Variants in LTC4S observed in about 807,000 individuals in gnomAD.
LTC4S encodes LTC4 synthase.
In LTC4S, 18 loss-of-function variants were observed where a neutral mutation model predicts 19.6. That is an observed-to-expected ratio of 0.92 (90% confidence interval 0.64 to 1.36). The LOEUF is 1.36. Among genes scored for constraint, LTC4S ranks in the 40% most tolerant of loss-of-function variants. LTC4S has a pLI of 0.00. For synonymous variants in LTC4S, 126 were observed against 110.1 expected, an observed-to-expected ratio of 1.14 and a Z score of -0.91; for missense variants, 235 against 212.2, an observed-to-expected ratio of 1.11 and a Z score of -0.67.
chr5:179,795,444 CGGGCGGGGAGG>C (rs1293006134), intron 1 of LTC4S, 129 bp from the exon 2 acceptor site: 5 of 1,069,646 alleles, frequency 4.7e-6, no homozygotes, highest in African/African-American at 3.2e-5. Context: ...GAGGTCTCCT[CGGGCGGGGAGG>C]GGGCGGGGTT....
chr5:179,796,131 G>A, intron 4 of LTC4S, 109 bp downstream of exon 4: 1 of 1,263,254 alleles, frequency 7.9e-7, no homozygotes, highest in South Asian at 1.7e-5. Context: ...GGAGCCCAGC[G>A]CCTTTGGGGA....
rs760643200 is a variant in LTC4S at position 179,795,809 on chromosome 5, C to T, written c.182C>T (p.Pro61Leu). 43 of 1,605,308 alleles carry T rather than the reference C, an allele frequency of 2.7e-5. No homozygotes were observed. Among genetic ancestry groups the T allele is most frequent in the Non-Finnish European group, 3.4e-5 (40 of 1,177,710 alleles). Reference protein sequence around the residue: ...RAQVNCSEYFPLFLATLWVAG... With the variant: ...RAQVNCSEYFLLFLATLWVAG... ...AGGGTGAACTGCAGCGAGTACTTCC[C>T]GCTGTTCCTCGCCACGCTCTGGGTC... The change falls in exon 3 of 5, where the codon CCG becomes CTG. Residue 61 changes from proline (P) to leucine (L), a missense_variant. By Grantham distance (98) the Pro-to-Leu change is moderately conservative. Coordinates refer to ENST00000292596, the MANE Select transcript of LTC4S (RefSeq NM_145867.2).
chr5:179,796,224 G>A (rs989282147), intron 4 of LTC4S, 29 bp from the exon 5 acceptor site: 2 of 1,429,110 alleles, frequency 1.4e-6, no homozygotes, highest in African/African-American at 3.0e-5. Flanking sequence ...GCCTCCTCGC[G>A]CCACCTCCCC....
intron 4 of LTC4S, 90 bp downstream of exon 4, chr5:179,796,112 C>G (rs906508088): frequency 2.3e-6 from 3 of 1,308,404 alleles, no homozygotes; most frequent in Non-Finnish European, 3.0e-6. Flanking sequence ...TGGGGGCGGG[C>G]GACGGGCCGG....
Position 179,795,781 on chromosome 5 carries a change from C to A in LTC4S, c.159-5C>A. On this transcript the variant is annotated splice_polypyrimidine_tract_variant and splice_region_variant and intron_variant, in intron 2 of 4. Transcript: ENST00000292596. Reference sequence around the variant, plus strand: ...CGGCGCGCTCATCCCACCCGCCCACCGCAGGGTGAACTGCAGCGAGTACTT... The same window carrying A: ...CGGCGCGCTCATCCCACCCGCCCACAGCAGGGTGAACTGCAGCGAGTACTT... The A allele has an allele frequency of 1.3e-6, 2 of 1,595,930 alleles. No homozygotes were observed. The highest frequency in any genetic ancestry group is 1.7e-6 in the Non-Finnish European group (2 of 1,172,894).
chr5:179,796,311 C>G lies in LTC4S; in HGVS notation c.370C>G (p.Leu124Val). 6.7e-7 allele frequency: 1 copy of G among 1,482,366 alleles called. No individual in the cohort carries two copies. Among genetic ancestry groups the G allele is most frequent in the Non-Finnish European group, 8.9e-7 (1 of 1,123,910 alleles). The allele number at this position is 1,482,366 out of a possible 1,614,324, so 91.8% of individuals were successfully genotyped here. The change falls in exon 5 of 5, where the codon CTC (leucine) becomes GTC (valine). Residue 124 changes from leucine (L) to valine (V), a missense_variant. Leu to Val is a conservative substitution (Grantham distance 32). Coordinates refer to ENST00000292596, the MANE Select transcript of LTC4S (RefSeq NM_145867.2). ...ALWLLVALAA[L>V]GLLAHFLPAA... is the part of the protein sequence containing the mutation. ...CTGGCTGCTGGTGGCGCTGGCTGCG[C>G]TCGGCCTGCTCGCCCACTTCCTCCC... is the stretch of plus-strand genomic sequence containing the variant.
chr5:179,796,449 GC>G lies in LTC4S; in HGVS notation c.*59del. 1 of 1,438,890 alleles carries G rather than the reference GC, an allele frequency of 6.9e-7. No individual in the cohort carries two copies. The highest frequency in any genetic ancestry group is 9.1e-7 in the Non-Finnish European group (1 of 1,100,858). 89.1% of individuals were successfully genotyped at this position (1,438,890 alleles called of 1,614,324 possible). On this transcript the variant is annotated 3_prime_UTR_variant, in exon 5 of 5. Transcript: ENST00000292596. ...GAAAGAAGAGCCGGAGCCTCCAGCT[GC>G]CCCGGGGAGGGGCGCTCGCTTCCGC...
Position 179,796,472 on chromosome 5 carries a change from C to T in LTC4S, c.*78C>T. ...CTGCCCCGGGGAGGGGCGCTCGCTT[C>T]CGCATCCTAGTCTCTATCATTAAAG... On this transcript the variant is annotated 3_prime_UTR_variant, in exon 5 of 5. Coordinates refer to ENST00000292596, the MANE Select transcript of LTC4S (RefSeq NM_145867.2). The T allele has an allele frequency of 1.4e-6, 2 of 1,404,074 alleles. No homozygotes were observed. The highest frequency in any genetic ancestry group is 1.8e-6 in the Non-Finnish European group (2 of 1,083,694). The allele number at this position is 1,404,074 out of a possible 1,614,324, so 87.0% of individuals were successfully genotyped here.
intron 1 of LTC4S, chr5:179,795,349 A>T (rs528098272): frequency 1.4e-6 from 2 of 1,409,586 alleles, no homozygotes; most frequent in African/African-American, 3.0e-5. Context: ...AGGTTGGGAC[A>T]GGGCCTCTCT....
At position 179,796,365 on chromosome 5, in the gene LTC4S, C is replaced by A; in HGVS notation, c.424C>A (p.Arg142=). 1.3e-6 allele frequency: 2 copies of A among 1,492,548 alleles called. No individual in the cohort carries two copies. Among genetic ancestry groups the A allele is most frequent in the East Asian group, 2.8e-5 (1 of 35,868 alleles). 92.5% of individuals were successfully genotyped at this position (1,492,548 alleles called of 1,614,324 possible). The change falls in exon 5 of 5, where the codon CGG becomes AGG. Residue 142 remains arginine, a synonymous_variant. Transcript: ENST00000292596. ...CGCGCTGCGCGCCGCGCTCCTCGGA[C>A]GGCTCCGGACGCTGCTGCCGTGGGC... The part of the protein sequence containing the change: ...PAALRAALLG[R]LRTLLPWA
rs774378612 is a variant in LTC4S at position 179,795,957 on chromosome 5, C to A, written c.246C>A (p.Cys82Ter). 1.1e-5 allele frequency: 17 copies of A among 1,553,628 alleles called. No homozygotes were observed. Among genetic ancestry groups the A allele is most frequent in the Non-Finnish European group, 1.4e-5 (16 of 1,155,386 alleles). Reference protein sequence around the residue: ...IFFHEGAAALCGLVYLFARLR... With the variant: ...IFFHEGAAAL Reference sequence around the variant, plus strand: ...CTCTCGCAGGGGCGGCGGCCCTGTGCGGCCTGGTCTACCTGTTCGCGCGCC... The same window carrying A: ...CTCTCGCAGGGGCGGCGGCCCTGTGAGGCCTGGTCTACCTGTTCGCGCGCC... Residue 82 changes from cysteine to a stop codon, truncating the protein, a stop_gained, in exon 4 of 5, where the codon TGC becomes TGA. Coordinates refer to ENST00000292596, the MANE Select transcript of LTC4S (RefSeq NM_145867.2). LOFTEE classifies it high-confidence loss of function.
chr5:179,795,355 T>C, intron 1 of LTC4S: 1 of 1,413,568 alleles, frequency 7.1e-7, no homozygotes, highest in East Asian at 2.7e-5. Context: ...GGACAGGGCC[T>C]CTCTGCGCCC....
chr5:179,795,335 T>C, intron 1 of LTC4S: 1 of 1,385,132 alleles, frequency 7.2e-7, no homozygotes, highest in Non-Finnish European at 9.3e-7. Context: ...CCCCATACAC[T>C]CACAGGTTGG....
Position 179,796,239 on chromosome 5 carries a change from A to G in LTC4S, c.312-14A>G. 2 of 1,447,598 alleles carry G rather than the reference A, an allele frequency of 1.4e-6. No individual in the cohort carries two copies. Among genetic ancestry groups the G allele is most frequent in the South Asian group, 1.3e-5 (1 of 74,862 alleles). 89.7% of individuals were successfully genotyped at this position (1,447,598 alleles called of 1,614,324 possible). A position where few individuals can be genotyped will look rare whatever the true frequency, so the allele number is the denominator to read the frequency against. On this transcript the variant is annotated splice_polypyrimidine_tract_variant and intron_variant, in intron 4 of 4. Transcript: ENST00000292596. ...GCCTCCTCGCGCCACCTCCCCGCTG[A>G]CCGCCGCCCGCAGGCTGGCACCGCT... is the stretch of plus-strand genomic sequence containing the variant.
At position 179,796,441 on chromosome 5, in the gene LTC4S, C is replaced by T. The variant is rs1222103111; in HGVS notation, c.*47C>T. ...GGAGCCGGGAAAGAAGAGCCGGAGCCTCCAGCTGCCCCGGGGAGGGGCGCT... is the reference window on the plus strand; with the variant it reads ...GGAGCCGGGAAAGAAGAGCCGGAGCTTCCAGCTGCCCCGGGGAGGGGCGCT... On this transcript the variant is annotated 3_prime_UTR_variant, in exon 5 of 5. Transcript: ENST00000292596. The T allele has an allele frequency of 1.4e-6, 2 of 1,457,220 alleles. No homozygotes were observed. Among genetic ancestry groups the T allele is most frequent in the South Asian group, 1.3e-5 (1 of 76,564 alleles). 90.3% of individuals were successfully genotyped at this position (1,457,220 alleles called of 1,614,324 possible).
Position 179,794,101 on chromosome 5 carries a change from AC to A in LTC4S, c.22del (p.Leu8TrpfsTer19). MKDEVAL[L>X]AAVTLLGVLL... ...GTACCATGAAGGACGAGGTAGCTCT[AC>A]TGGCTGCTGTCACCCTCCTGGGAGT... On this transcript the variant is annotated frameshift_variant, in exon 1 of 5. Transcript: ENST00000292596. LOFTEE classifies it high-confidence loss of function. The A allele has an allele frequency of 6.2e-7, 1 of 1,613,608 alleles. No homozygotes were observed. The highest frequency in any genetic ancestry group is 8.5e-7 in the Non-Finnish European group (1 of 1,179,964).
At chr5:179,795,306 G>A in intron 1 of LTC4S, 3 of 1,214,108 alleles carry the variant, frequency 2.5e-6, no homozygotes, top group Non-Finnish European at 3.2e-6. Flanking sequence ...GTGTCCCTGT[G>A]CCTGAATCAC....
Position 179,796,286 on chromosome 5 carries a change from C to T in LTC4S, c.345C>T (p.Leu115=). The T allele has an allele frequency of 6.8e-7, 1 of 1,471,790 alleles. No homozygotes were observed. The highest frequency in any genetic ancestry group is 8.9e-7 in the Non-Finnish European group (1 of 1,118,108). The allele number at this position is 1,471,790 out of a possible 1,614,324, so 91.2% of individuals were successfully genotyped here. A position where few individuals can be genotyped will look rare whatever the true frequency, so the allele number is the denominator to read the frequency against. The change falls in exon 5 of 5, where the codon CTC becomes CTT. Residue 115 remains leucine, a synonymous_variant. Transcript: ENST00000292596. The part of the protein sequence containing the change: ...LAPLYASARA[L]WLLVALAALG... ...CGCTGTACGCGAGCGCGCGCGCCCT[C>T]TGGCTGCTGGTGGCGCTGGCTGCGC...
Position 179,795,892 on chromosome 5 carries a change from C to G in LTC4S, c.229+36C>G, listed in dbSNP as rs569958461. ...GGGGCAGGGGCGCACGCGCTGGACC[C>G]CCGGGACCCGCGCAGGGCGCTCACC... On this transcript the variant is annotated intron_variant, in intron 3 of 4. Coordinates refer to ENST00000292596, the MANE Select transcript of LTC4S (RefSeq NM_145867.2). The G allele has an allele frequency of 1.0e-4, 165 of 1,595,416 alleles. 1 individual carries two copies. The highest frequency in any genetic ancestry group is 7.9e-4 in the South Asian group (71 of 89,572).
Sources: gnomAD v4.1 joint callset for allele counts on GRCh38, gnomAD v4.1.1 for gene constraint, MANE v1.5 for transcripts, NCBI Gene and HGNC (gene_info 2026-07-23, HGNC 2026-07-21) for gene names.